Variants in SCYL2 observed in about 807,000 individuals in gnomAD.
The protein encoded by SCYL2 is SCY1-like protein 2.
SCYL2 carries 36 observed loss-of-function variants against 100.4 expected under a neutral mutation model. That is an observed-to-expected ratio of 0.36 (90% CI 0.27 to 0.47). The LOEUF is 0.47. SCYL2 is among the 20% of genes least tolerant of loss of function. The probability of loss-of-function intolerance (pLI) is 1.00; values close to 1 mark genes in which losing one functional copy is unlikely to be tolerated. For synonymous variants in SCYL2, 330 were observed against 359.2 expected (o/e 0.92, Z 0.92); for missense variants, 902 against 1,083.9 (o/e 0.83, Z 2.36).
At chr12:100,291,804 A>G in intron 3 of SCYL2, 144 bp downstream of exon 3, 1 of 709,668 alleles carries the variant, frequency 1.4e-6, no homozygotes, top group South Asian at 2.2e-5. Flanking sequence ...TTTTCTCCCT[A>G]AAATTTATTT....
chr12:100,269,173 A>G (rs537680770), intron 1 of SCYL2, among the ~76,000 whole-genome samples: 1 of 152,120 alleles, frequency 6.6e-6, no homozygotes, highest in East Asian at 1.9e-4. Context: ...CATGCCCTAC[A>G]AGCCCTGCAT....
chr12:100,281,019 G>GTTTA (rs2096297549), intron 1 of SCYL2, among the ~76,000 whole-genome samples: 1 of 50,466 alleles, frequency 2.0e-5, no homozygotes, highest in Non-Finnish European at 4.1e-5. Flanking sequence ...TACCATCAGT[G>GTTTA]TTTTTTTTTT....
chr12:100,281,416 G>A (rs972908710), intron 1 of SCYL2, among the ~76,000 whole-genome samples: 1 of 152,206 alleles, frequency 6.6e-6, no homozygotes, highest in Non-Finnish European at 1.5e-5. Context: ...GCTAGGTGTG[G>A]TGGCTTATTT....
chr12:100,323,077 T>TA (rs2096357954), intron 10 of SCYL2, among the ~76,000 whole-genome samples: 1 of 152,058 alleles, frequency 6.6e-6, no homozygotes, highest in Admixed American at 6.6e-5. Context: ...TATGTTGTTT[T>TA]AAAAAACTGT....
At chr12:100,284,076 A>G (rs957740904) in intron 2 of SCYL2, among the ~76,000 whole-genome samples, 2 of 152,248 alleles carry the variant, frequency 1.3e-5, no homozygotes. Flanking sequence ...ACCTCCTCTG[A>G]TTCTAGCACA....
At chr12:100,293,185 G>A (rs561713284) in intron 3 of SCYL2, among the ~76,000 whole-genome samples, 4 of 151,918 alleles carry the variant, frequency 2.6e-5, no homozygotes, top group Non-Finnish European at 5.9e-5. Context: ...TTGGACTCCC[G>A]AGCTTGTGTG....
At chr12:100,305,592 GA>G (rs2096333271) in intron 4 of SCYL2, among the ~76,000 whole-genome samples, 1 of 151,238 alleles carries the variant, frequency 6.6e-6, no homozygotes, top group Non-Finnish European at 1.5e-5. Context: ...ACAATTAAAA[GA>G]AAAGCAAGAG....
At chr12:100,298,664 A>G in intron 4 of SCYL2, among the ~76,000 whole-genome samples, 1 of 151,962 alleles carries the variant, frequency 6.6e-6, no homozygotes, top group East Asian at 1.9e-4. Context: ...GCTCCCTGCA[A>G]CTTCCACCTC....
intron 3 of SCYL2, 29 bp downstream of exon 3, chr12:100,291,689 G>A: frequency 6.5e-7 from 1 of 1,543,814 alleles, no homozygotes; most frequent in Non-Finnish European, 8.7e-7. Flanking sequence ...TTACATAGTA[G>A]ACTTCCTGAA....
chr12:100,277,775 GTTCC>G (rs1191320005), intron 1 of SCYL2, among the ~76,000 whole-genome samples: 2 of 151,678 alleles, frequency 1.3e-5, no homozygotes, highest in African/African-American at 4.8e-5. Context: ...TTTGTTTTTT[GTTCC>G]TTCCTCTTTT....
At chr12:100,321,535 A>G (rs1030697798) in intron 10 of SCYL2, among the ~76,000 whole-genome samples, 4 of 152,166 alleles carry the variant, frequency 2.6e-5, no homozygotes, top group Non-Finnish European at 5.9e-5. Context: ...CATTTCTACT[A>G]TGGCACCACA....
At chr12:100,336,862 T>A (rs1952284137) in intron 16 of SCYL2, among the ~76,000 whole-genome samples, 1 of 152,172 alleles carries the variant, frequency 6.6e-6, no homozygotes, top group South Asian at 2.1e-4. Context: ...GAATACTGTA[T>A]GTGTAAAGCT....
At chr12:100,329,881 G>T (rs1038911930) in intron 13 of SCYL2, among the ~76,000 whole-genome samples, 15 of 152,302 alleles carry the variant, frequency 9.8e-5, no homozygotes, top group African/African-American at 3.6e-4. Context: ...TCCATTCTTA[G>T]CTATTAGCTG....
chr12:100,313,487 A>G lies in SCYL2; in HGVS notation c.918A>G (p.Leu306=), dbSNP rs56052637. 2.9e-3 allele frequency: 4,679 copies of G among 1,611,212 alleles called. 133 individuals carry two copies. The African/African-American group carries it at 0.055, about 19-fold the overall frequency. ...AGGAAGTTCGTGAACATGTAAAGCT[A>G]CTGTTAAATGTAACTCCGACTGTAA... ...IPEEVREHVK[L]LLNVTPTVRP... Residue 306 remains leucine, a synonymous_variant, in exon 7 of 18, where the codon CTA becomes CTG. Coordinates refer to ENST00000360820, the MANE Select transcript of SCYL2 (RefSeq NM_017988.6).
intron 10 of SCYL2, among the ~76,000 whole-genome samples, chr12:100,321,070 G>T (rs549924176): frequency 6.6e-6 from 1 of 152,042 alleles, no homozygotes; most frequent in South Asian, 2.1e-4. Context: ...ATAGTAGCAG[G>T]GACCACAGGA....
intron 4 of SCYL2, among the ~76,000 whole-genome samples, chr12:100,307,661 A>G (rs1260546489): frequency 6.6e-6 from 1 of 152,182 alleles, no homozygotes; most frequent in Non-Finnish European, 1.5e-5. Flanking sequence ...AATTAAACTA[A>G]AGAGCTTTTG....
chr12:100,337,921 G>C (rs1242779893), intron 17 of SCYL2, among the ~76,000 whole-genome samples: 1 of 152,174 alleles, frequency 6.6e-6, no homozygotes, highest in South Asian at 2.1e-4. Flanking sequence ...GACCTGGCTA[G>C]TATTTGTTTT....
rs141501747 is a variant in SCYL2, at chr12:100,312,506, T to G, written c.705T>G (p.Pro235=). ...TTCCAAATCCTGAATATTTGGCTCC[T>G]GAATACATACTTTCTGTGAGCTGTG... ...LCLPNPEYLA[P]EYILSVSCET... is the part of the protein sequence containing the mutation. The change falls in exon 6 of 18, where the codon CCT becomes CCG. Residue 235 remains proline, a synonymous_variant. Transcript: ENST00000360820. The G allele has an allele frequency of 1.2e-5, 19 of 1,613,822 alleles. No homozygotes were observed. The East Asian group carries it at 4.2e-4, about 36-fold the overall frequency.
In SCYL2 at chr12:100,336,545, A is replaced by G. The variant is rs542823805; in HGVS notation, c.2025+639A>G. ...TGTACATTTTTGGCAGGCATACTAC[A>G]GAAGTGATGATGTACCCTTCTTGGT... On this transcript the variant is annotated intron_variant, in intron 16 of 17. Coordinates refer to ENST00000360820, the MANE Select transcript of SCYL2 (RefSeq NM_017988.6). Among the ~76,000 whole-genome samples the G allele has an allele frequency of 8.9e-4, 135 of 152,250 alleles. 1 individual carries two copies. Among genetic ancestry groups the G allele is most frequent in the Non-Finnish European group, 1.5e-3 (103 of 67,980 alleles).
Sources: allele counts gnomAD v4.1 joint callset (sites outside exome capture counted in the v4.1 genomes callset), GRCh38; gene constraint gnomAD v4.1.1; transcripts MANE v1.5; gene names NCBI Gene and HGNC (gene_info 2026-07-23, HGNC 2026-07-21).